TOM1L2: variants seen among roughly 807,000 people sequenced by gnomAD.
TOM1L2 encodes the protein TOM1-like protein 2.
TOM1L2 carries 31 observed loss-of-function variants against 67.9 expected under a neutral mutation model. The observed-to-expected ratio is 0.46, with a 90% CI of 0.34 to 0.62. The LOEUF (loss-of-function observed/expected upper bound fraction) is 0.62, where lower values mean the gene tolerates loss of function less well. Ranked by LOEUF, TOM1L2 falls within the 20% of genes least tolerant of loss-of-function variation. The pLI, the probability that TOM1L2 is intolerant of heterozygous loss-of-function variation, is 0.01. For synonymous variants in TOM1L2, 256 were observed against 254.0 expected, an observed-to-expected ratio of 1.01 and a Z score of -0.07; for missense variants, 606 against 663.5, an observed-to-expected ratio of 0.91 and a Z score of 0.95.
In TOM1L2 at chr17:17,866,896, C is replaced by A. The variant is rs768809501; in HGVS notation, c.940G>T (p.Val314Phe). 1.3e-5 allele frequency: 21 copies of A among 1,613,958 alleles called. No individual in the cohort carries two copies. The highest frequency in any genetic ancestry group is 1.8e-5 in the Non-Finnish European group (21 of 1,179,916). The change falls in exon 9 of 15, where the codon GTT becomes TTT. Residue 314 changes from valine (V) to phenylalanine (F), a missense_variant. Physicochemically the swap from Val to Phe is conservative, Grantham distance 50. Coordinates refer to ENST00000379504, the MANE Select transcript of TOM1L2 (RefSeq NM_001082968.2). ...CTTACTCCATTACTGGCATTTTGAA[C>A]GGATCGGCCAGACCTGTATCGTTCG... ...RFERYRSGRS[V>F]QNASNGVLNE...
intron 11 of TOM1L2, 193 bp downstream of exon 11, chr17:17,862,538 G>C (rs1192631839): frequency 8.4e-6 from 5 of 596,018 alleles, no homozygotes; most frequent in Non-Finnish European, 9.0e-6. Context: ...TGTGTTTGGG[G>C]GGGTGGGGGA....
At chr17:17,907,607 A>G (rs2039156876) in intron 1 of TOM1L2, 76 bp from the exon 2 acceptor site, 4 of 1,291,568 alleles carry the variant, frequency 3.1e-6, no homozygotes, top group Non-Finnish European at 4.4e-6. Flanking sequence ...GGAAGAGACC[A>G]GAACCACCAC....
chr17:17,890,990 T>G (rs1011817832), intron 4 of TOM1L2, among the ~76,000 whole-genome samples: 1 of 152,184 alleles, frequency 6.6e-6, no homozygotes, highest in African/African-American at 2.4e-5. Flanking sequence ...AGGTAAGAGC[T>G]CTTCAGGAAC....
chr17:17,898,700 G>T, intron 2 of TOM1L2, 26 bp from the exon 3 acceptor site: 1 of 1,613,198 alleles, frequency 6.2e-7, no homozygotes, highest in Non-Finnish European at 8.5e-7. Flanking sequence ...GACATATAAA[G>T]ATACTTACAA....
At chr17:17,963,196 T>C (rs2041757903) in intron 1 of TOM1L2, among the ~76,000 whole-genome samples, 1 of 152,214 alleles carries the variant, frequency 6.6e-6, no homozygotes, top group Admixed American at 6.5e-5. Flanking sequence ...GCACAGTTAC[T>C]GGACTCATAC....
chr17:17,851,492 G>A (rs570071228), intron 12 of TOM1L2, among the ~76,000 whole-genome samples: 7 of 152,294 alleles, frequency 4.6e-5, no homozygotes, highest in East Asian at 1.9e-4. Context: ...TTTGAAATGC[G>A]TCCTGGTGCA....
intron 1 of TOM1L2, among the ~76,000 whole-genome samples, chr17:17,913,554 T>C (rs2039500336): frequency 6.6e-6 from 1 of 152,182 alleles, no homozygotes; most frequent in Non-Finnish European, 1.5e-5. Flanking sequence ...CAGCCTTACT[T>C]CCCTCATCTG....
chr17:17,939,827 G>A (rs1180116930), intron 1 of TOM1L2, among the ~76,000 whole-genome samples: 1 of 152,178 alleles, frequency 6.6e-6, no homozygotes, highest in African/African-American at 2.4e-5. Flanking sequence ...AAACACATTT[G>A]TTGAGTCCCC....
chr17:17,954,426 T>C (rs2041342589), intron 1 of TOM1L2, among the ~76,000 whole-genome samples: 1 of 151,918 alleles, frequency 6.6e-6, no homozygotes, highest in African/African-American at 2.4e-5. Flanking sequence ...GATTCTCCTG[T>C]CTCAGCCTCT....
At chr17:17,952,722 A>C (rs963285439) in intron 1 of TOM1L2, among the ~76,000 whole-genome samples, 1 of 152,230 alleles carries the variant, frequency 6.6e-6, no homozygotes, top group East Asian at 1.9e-4. Flanking sequence ...AAAAACAAAA[A>C]TGGGTCTCTG....
At chr17:17,849,749 A>C (rs1457707901) in intron 13 of TOM1L2, among the ~76,000 whole-genome samples, 1 of 152,194 alleles carries the variant, frequency 6.6e-6, no homozygotes, top group Non-Finnish European at 1.5e-5. Flanking sequence ...CTTACTGGAC[A>C]CATCCCCTCC....
At chr17:17,856,425 T>G (rs2036255247) in intron 12 of TOM1L2, among the ~76,000 whole-genome samples, 2 of 152,282 alleles carry the variant, frequency 1.3e-5, no homozygotes, top group South Asian at 4.1e-4. Context: ...AGCAGAGCTG[T>G]GCAGAGGGCA....
intron 1 of TOM1L2, among the ~76,000 whole-genome samples, chr17:17,910,682 G>C (rs1036779270): frequency 2.0e-5 from 3 of 152,046 alleles, no homozygotes; most frequent in African/African-American, 7.2e-5. Flanking sequence ...CAATTCTCCT[G>C]TCTCAGCCTC....
chr17:17,873,086 C>A (rs112610645), intron 7 of TOM1L2, among the ~76,000 whole-genome samples: 38 of 152,346 alleles, frequency 2.5e-4, no homozygotes, highest in African/African-American at 8.9e-4. Context: ...TGCTTAAGGG[C>A]TCCTGAGAAG....
intron 11 of TOM1L2, chr17:17,861,857 A>G (rs2036576470): frequency 3.4e-6 from 1 of 292,970 alleles, no homozygotes; most frequent in Admixed American, 5.0e-5. Context: ...CTGAATGTCC[A>G]AAGTGCCCTA....
intron 1 of TOM1L2, among the ~76,000 whole-genome samples, chr17:17,947,517 A>G (rs763257649): frequency 3.9e-5 from 6 of 152,220 alleles, no homozygotes; most frequent in Admixed American, 6.5e-5. Flanking sequence ...ATGTGAGGAC[A>G]CAGCAAGACA....
chr17:17,886,602 C>T (rs558595863), intron 4 of TOM1L2, among the ~76,000 whole-genome samples: 20 of 152,340 alleles, frequency 1.3e-4, no homozygotes, highest in African/African-American at 4.3e-4. Context: ...AGCCCACTGT[C>T]GGAGGCTGGG....
At chr17:17,900,116 G>A (rs2144314117) in intron 2 of TOM1L2, among the ~76,000 whole-genome samples, 1 of 152,238 alleles carries the variant, frequency 6.6e-6, no homozygotes, top group South Asian at 2.1e-4. Flanking sequence ...GGGAGGCTGA[G>A]GCAGGAGAAT....
chr17:17,949,263 C>T (rs539659079), intron 1 of TOM1L2, among the ~76,000 whole-genome samples: 1 of 152,044 alleles, frequency 6.6e-6, no homozygotes, highest in East Asian at 1.9e-4. Flanking sequence ...GAACTCGTGC[C>T]AGGAAAACCC....
Sources: allele counts gnomAD v4.1 joint callset (sites outside exome capture counted in the v4.1 genomes callset), GRCh38; gene constraint gnomAD v4.1.1; transcripts MANE v1.5; gene names NCBI Gene and HGNC (gene_info 2026-07-23, HGNC 2026-07-21).